Variants in HAT1 observed in about 807,000 individuals in gnomAD.
HAT1 encodes the protein histone acetyltransferase type B catalytic subunit.
Under a neutral mutation model 56.6 loss-of-function variants are expected in HAT1, and 20 were observed. The observed-to-expected ratio is 0.35, with a 90% confidence interval of 0.25 to 0.51. HAT1 has a LOEUF of 0.51. Among genes scored for constraint, HAT1 ranks in the 20% least tolerant of loss-of-function variants. HAT1 has a pLI of 0.95. For missense variants in HAT1, 408 were observed against 504.3 expected, an observed-to-expected ratio of 0.81 and a Z score of 1.83; for synonymous variants, 146 against 165.5, an observed-to-expected ratio of 0.88 and a Z score of 0.91.
At chr2:171,934,913 G>A (rs1449686474) in intron 2 of HAT1, among the ~76,000 whole-genome samples, 2 of 151,580 alleles carry the variant, frequency 1.3e-5, no homozygotes, top group Non-Finnish European at 1.5e-5. Flanking sequence ...CCACCACCAC[G>A]CCCAGTTAAT....
chr2:171,955,401 C>G (rs1480537223), intron 4 of HAT1, among the ~76,000 whole-genome samples: 1 of 152,034 alleles, frequency 6.6e-6, no homozygotes, highest in Non-Finnish European at 1.5e-5. Context: ...CACCTGAGGT[C>G]AGGAGTTTGA....
At chr2:171,978,808 TG>T (rs1480066383) in intron 9 of HAT1, among the ~76,000 whole-genome samples, 1 of 151,436 alleles carries the variant, frequency 6.6e-6, no homozygotes, top group Non-Finnish European at 1.5e-5. Context: ...TCATGAAGGC[TG>T]GGGCAGTGGC....
At chr2:171,926,755 A>G (rs1418882285) in intron 2 of HAT1, among the ~76,000 whole-genome samples, 2 of 152,210 alleles carry the variant, frequency 1.3e-5, no homozygotes, top group African/African-American at 2.4e-5. Flanking sequence ...TAAGAAGTTA[A>G]ACATAAATGA....
At chr2:171,963,784 G>A (rs973913933) in intron 4 of HAT1, among the ~76,000 whole-genome samples, 4 of 151,990 alleles carry the variant, frequency 2.6e-5, no homozygotes, top group Admixed American at 6.6e-5. Flanking sequence ...GCTTACGATG[G>A]CCTCTTCATG....
chr2:171,946,773 T>A lies in HAT1; in HGVS notation c.178T>A (p.Phe60Ile), dbSNP rs2105319534. The change falls in exon 3 of 11, where the codon TTT becomes ATT. Residue 60 changes from phenylalanine to isoleucine, a missense_variant. Transcript: ENST00000264108. ...TFFPEYTHQLFGDDETAFGYK... is the reference protein window; with the variant it reads ...TFFPEYTHQLIGDDETAFGYK... Reference sequence around the variant, plus strand: ...CTTTCCTGAGTATACCCATCAACTCTTTGGGGATGAGTAAGTAACTTAGTA... The same window carrying A: ...CTTTCCTGAGTATACCCATCAACTCATTGGGGATGAGTAAGTAACTTAGTA... 6.8e-7 allele frequency: 1 copy of A among 1,481,406 alleles called. No individual in the cohort carries two copies. Among genetic ancestry groups the A allele is most frequent in the East Asian group, 2.3e-5 (1 of 42,980 alleles). 91.8% of individuals were successfully genotyped at this position (1,481,406 alleles called of 1,614,324 possible).
chr2:171,971,913 G>T (rs1039766098), intron 8 of HAT1, among the ~76,000 whole-genome samples: 2 of 152,174 alleles, frequency 1.3e-5, no homozygotes, highest in African/African-American at 4.8e-5. Context: ...CTTCAGAGTG[G>T]ACTGGCTGGG....
At chr2:171,945,329 A>G (rs1164644787) in intron 2 of HAT1, among the ~76,000 whole-genome samples, 1 of 152,082 alleles carries the variant, frequency 6.6e-6, no homozygotes, top group Non-Finnish European at 1.5e-5. Flanking sequence ...TCTTAGATTG[A>G]TAGAAATTGA....
intron 3 of HAT1, among the ~76,000 whole-genome samples, chr2:171,948,016 A>G (rs1687214711): frequency 6.6e-6 from 1 of 152,248 alleles, no homozygotes; most frequent in South Asian, 2.1e-4. Flanking sequence ...CATTTGCAGA[A>G]AGTTGCAAGA....
Position 171,966,419 on chromosome 2 carries a change from T to C in HAT1, c.622T>C (p.Tyr208His), listed in dbSNP as rs1558976260. 1 of 1,550,062 alleles carries C rather than the reference T, an allele frequency of 6.5e-7. No individual in the cohort carries two copies. Among genetic ancestry groups the C allele is most frequent in the Admixed American group, 1.7e-5 (1 of 59,920 alleles). ...RWHYFLVFEK[Y>H]NKDGATLFAT... ...CTGTTTTATCTGCAGATTTGAGAAG[T>C]ATAATAAGGATGGAGCTACGCTCTT... Residue 208 changes from tyrosine (Y) to histidine (H), a missense_variant, in exon 7 of 11, where the codon TAT becomes CAT. Coordinates refer to ENST00000264108, the MANE Select transcript of HAT1 (RefSeq NM_003642.4).
At chr2:171,947,494 G>A (rs1687196362) in intron 3 of HAT1, among the ~76,000 whole-genome samples, 2 of 151,602 alleles carry the variant, frequency 1.3e-5, no homozygotes, top group Admixed American at 6.6e-5. Flanking sequence ...GGCCTCAAGT[G>A]ATCCTCCCAC....
intron 3 of HAT1, 89 bp downstream of exon 3, chr2:171,946,872 TTTC>T: frequency 9.2e-6 from 6 of 650,132 alleles, no homozygotes; most frequent in Admixed American, 2.9e-5. Flanking sequence ...CAAATTTTAT[TTTC>T]TTCTTATTTT....
chr2:171,929,238 T>C (rs1434409300), intron 2 of HAT1, among the ~76,000 whole-genome samples: 2 of 152,208 alleles, frequency 1.3e-5, no homozygotes, highest in Non-Finnish European at 2.9e-5. Context: ...AAGGATTGTT[T>C]TTTTAATGTG....
At chr2:171,945,506 T>G (rs1687138530) in intron 2 of HAT1, among the ~76,000 whole-genome samples, 2 of 150,386 alleles carry the variant, frequency 1.3e-5, no homozygotes, top group Admixed American at 1.3e-4. Flanking sequence ...TAATTTTTTT[T>G]TTTTTTTTTT....
chr2:171,952,772 G>T, intron 3 of HAT1, 109 bp from the exon 4 acceptor site: 1 of 550,278 alleles, frequency 1.8e-6, no homozygotes. Context: ...TTTAAGTATA[G>T]TTTAAAATCT....
intron 4 of HAT1, among the ~76,000 whole-genome samples, chr2:171,964,432 A>G (rs578046832): frequency 6.6e-6 from 1 of 152,312 alleles, no homozygotes; most frequent in East Asian, 1.9e-4. Flanking sequence ...TGAATAGAAT[A>G]CAAGCTCATT....
At chr2:171,937,702 T>C (rs988157810) in intron 2 of HAT1, among the ~76,000 whole-genome samples, 3 of 152,172 alleles carry the variant, frequency 2.0e-5, no homozygotes, top group Non-Finnish European at 2.9e-5. Context: ...ACAGCACTAA[T>C]TGTACAATAA....
At chr2:171,931,667 G>C (rs1380069901) in intron 2 of HAT1, among the ~76,000 whole-genome samples, 1 of 152,070 alleles carries the variant, frequency 6.6e-6, no homozygotes, top group Non-Finnish European at 1.5e-5. Flanking sequence ...AAGCAAGACT[G>C]TGTCTCGGGG....
At chr2:171,938,470 C>G (rs1420221355) in intron 2 of HAT1, among the ~76,000 whole-genome samples, 1 of 152,130 alleles carries the variant, frequency 6.6e-6, no homozygotes, top group East Asian at 1.9e-4. Flanking sequence ...TTATTATACA[C>G]CTCACTGTGG....
intron 3 of HAT1, 47 bp downstream of exon 3, chr2:171,946,830 A>AAT: frequency 2.4e-6 from 2 of 832,896 alleles, no homozygotes; most frequent in Non-Finnish European, 1.9e-6. Context: ...GGAAAAAAAA[A>AAT]TTTTCATTCT....
Sources: gnomAD v4.1 joint callset for allele counts (sites outside exome capture counted in the v4.1 genomes callset) on GRCh38, gnomAD v4.1.1 for gene constraint, MANE v1.5 for transcripts, NCBI Gene and HGNC (gene_info 2026-07-23, HGNC 2026-07-21) for gene names.